The following STT3A variants were observed in gnomAD, a reference collection of about 807,000 sequenced individuals.
STT3A encodes the protein STT3 oligosaccharyltransferase complex catalytic subunit A, also known as dolichyl-diphosphooligosaccharide--protein glycosyltransferase subunit STT3A.
Under a neutral mutation model 89.2 loss-of-function variants are expected in STT3A, and 34 were observed. The observed-to-expected ratio is 0.38, with a 90% confidence interval of 0.29 to 0.51. The LOEUF is 0.51. Among genes scored for constraint, STT3A ranks in the 20% least tolerant of loss-of-function variants. The probability of loss-of-function intolerance (pLI) is 0.89; values close to 1 mark genes in which losing one functional copy is unlikely to be tolerated. For missense variants in STT3A, 555 were observed against 889.5 expected, an observed-to-expected ratio of 0.62 and a Z score of 4.78; for synonymous variants, 282 against 310.3, an observed-to-expected ratio of 0.91 and a Z score of 0.96.
At chr11:125,618,588 A>G (rs1417447844) in intron 16 of STT3A, 27 bp downstream of exon 16, 2 of 1,571,476 alleles carry the variant, frequency 1.3e-6, no homozygotes, top group Non-Finnish European at 1.7e-6. Context: ...AATATTAATA[A>G]CAGTAGTAAT....
chr11:125,592,489 C>T (rs1486688873), upstream of STT3A: 4 of 455,786 alleles, frequency 8.8e-6, no homozygotes, highest in Non-Finnish European at 1.8e-5. Context: ...CCTATTTCAG[C>T]GTAGTTTCCG....
At chr11:125,608,435 C>G in intron 9 of STT3A, 146 bp downstream of exon 9, 2 of 807,384 alleles carry the variant, frequency 2.5e-6, no homozygotes, top group East Asian at 6.3e-5. Flanking sequence ...CTGCCTCAGC[C>G]TCCTGAGTAG....
At chr11:125,602,548 A>C (rs1156229264) in intron 4 of STT3A, 124 bp downstream of exon 4, 30 of 1,250,592 alleles carry the variant, frequency 2.4e-5, no homozygotes, top group Non-Finnish European at 6.5e-6. Flanking sequence ...TCCTGATTAC[A>C]GGTTCCTAAA....
Position 125,604,241 on chromosome 11 carries a change from A to G in STT3A, c.502A>G (p.Asn168Asp). Residue 168 changes from asparagine to aspartate, a missense_variant, in exon 6 of 18, where the codon AAT (asparagine) becomes GAT (aspartate). Coordinates refer to ENST00000392708, the MANE Select transcript of STT3A (RefSeq NM_152713.5). ...ISRSVAGSYD[N>D]EGIAIFCMLL... is the part of the protein sequence containing the mutation. ...CCGATCTGTGGCTGGCTCCTATGATAATGAAGGTAAGACTTTTAAAATGCT... is the reference window on the plus strand; with the variant it reads ...CCGATCTGTGGCTGGCTCCTATGATGATGAAGGTAAGACTTTTAAAATGCT... 1 of 1,613,902 alleles carries G rather than the reference A, an allele frequency of 6.2e-7. No homozygotes were observed.
At chr11:125,592,699 C>T (rs1565338648), upstream of STT3A, 1 of 313,024 alleles carries the variant, frequency 3.2e-6, no homozygotes, top group Non-Finnish European at 6.4e-6. Context: ...TAAGTGATAG[C>T]TGTAATGACC....
intron 3 of STT3A, among the ~76,000 whole-genome samples, chr11:125,599,646 C>T (rs551452684): frequency 7.3e-5 from 11 of 149,734 alleles, no homozygotes; most frequent in Middle Eastern, 3.5e-3. Flanking sequence ...TGTGCTCAAG[C>T]GATCCATCCA....
chr11:125,615,800 G>A (rs530291438), intron 15 of STT3A, among the ~76,000 whole-genome samples: 1 of 152,244 alleles, frequency 6.6e-6, no homozygotes, highest in African/African-American at 2.4e-5. Context: ...CCTGTAATCT[G>A]AGCACTTTGG....
rs577593072 is a variant in STT3A, at chr11:125,622,721, T to G, written c.*1911T>G. 1 of 152,054 alleles carries G rather than the reference T, an allele frequency of 6.6e-6. No individual in the cohort carries two copies. The highest frequency in any genetic ancestry group is 2.1e-4 in the South Asian group (1 of 4,812). 9.4% of individuals were successfully genotyped at this position (152,054 alleles called of 1,614,324 possible). Reference sequence around the variant, plus strand: ...CAACATGGCTAATGAACACTAAGCATAGTTTTGATGTCTTTCATATTAAAG... The same window carrying G: ...CAACATGGCTAATGAACACTAAGCAGAGTTTTGATGTCTTTCATATTAAAG... On this transcript the variant is annotated 3_prime_UTR_variant, in exon 18 of 18. Coordinates refer to ENST00000392708, the MANE Select transcript of STT3A (RefSeq NM_152713.5).
chr11:125,602,173 A>G, intron 3 of STT3A, 130 bp from the exon 4 acceptor site: 1 of 1,100,482 alleles, frequency 9.1e-7, no homozygotes, highest in East Asian at 2.5e-5. Flanking sequence ...TGGTAGTGTA[A>G]AATGATTTTC....
At chr11:125,593,989 G>T (rs1467380708) in intron 1 of STT3A, among the ~76,000 whole-genome samples, 1 of 152,006 alleles carries the variant, frequency 6.6e-6, no homozygotes, top group African/African-American at 2.4e-5. Flanking sequence ...TGTTCTATAG[G>T]ATAACTATTA....
At chr11:125,619,567 A>C (rs1203824172) in intron 16 of STT3A, among the ~76,000 whole-genome samples, 1 of 152,190 alleles carries the variant, frequency 6.6e-6, no homozygotes, top group African/African-American at 2.4e-5. Flanking sequence ...TCTTCTGATG[A>C]CTACATTGAG....
chr11:125,610,658 G>C (rs67402595), intron 10 of STT3A: 42,622 of 151,718 alleles, frequency 0.28, 6,156 homozygotes, highest in East Asian at 0.4. Flanking sequence ...TCAAGACCAG[G>C]CTGGGCAATA....
chr11:125,616,267 A>G (rs1303208072), intron 15 of STT3A, among the ~76,000 whole-genome samples: 1 of 152,166 alleles, frequency 6.6e-6, no homozygotes, highest in Non-Finnish European at 1.5e-5. Flanking sequence ...ATATACACAC[A>G]TTCTCTTATA....
chr11:125,598,118 A>C (rs1449398422), intron 3 of STT3A, among the ~76,000 whole-genome samples: 3 of 152,186 alleles, frequency 2.0e-5, no homozygotes, highest in African/African-American at 7.2e-5. Context: ...AGACTGAGGC[A>C]GGAGAATCGC....
At position 125,618,457 on chromosome 11, in the gene STT3A, C is replaced by T; in HGVS notation, c.1859C>T (p.Pro620Leu). ...ATCAAGGAGAATGACTATTATACTC[C>T]AACTGGGGAGTTCCGTGTGGACCGT... Reference protein sequence around the residue: ...KHIKENDYYTPTGEFRVDREG... With the variant: ...KHIKENDYYTLTGEFRVDREG... Residue 620 changes from proline to leucine, a missense_variant, in exon 16 of 18, where the codon CCA becomes CTA. Transcript: ENST00000392708. 1 of 1,613,930 alleles carries T rather than the reference C, an allele frequency of 6.2e-7. No homozygotes were observed. Among genetic ancestry groups the T allele is most frequent in the Non-Finnish European group, 8.5e-7 (1 of 1,180,012 alleles).
chr11:125,595,361 C>A (rs1344584863), intron 1 of STT3A, among the ~76,000 whole-genome samples: 2 of 151,924 alleles, frequency 1.3e-5, no homozygotes, highest in Non-Finnish European at 2.9e-5. Context: ...TGCTGTATTG[C>A]TCAGATTGGT....
chr11:125,606,147 A>G (rs1939829112), intron 7 of STT3A, 154 bp from the exon 8 acceptor site: 1 of 671,258 alleles, frequency 1.5e-6, no homozygotes, highest in Non-Finnish European at 2.4e-6. Context: ...AAAAAAAAAA[A>G]TCAGTTATTT....
chr11:125,615,717 CTT>C (rs1346030586), intron 15 of STT3A, among the ~76,000 whole-genome samples: 1 of 152,076 alleles, frequency 6.6e-6, no homozygotes, highest in Admixed American at 6.6e-5. Flanking sequence ...ATAAGTTAGA[CTT>C]TTTATTTTTT....
intron 4 of STT3A, 70 bp from the exon 5 acceptor site, chr11:125,602,733 G>A: frequency 6.3e-7 from 1 of 1,589,770 alleles, no homozygotes; most frequent in Non-Finnish European, 8.6e-7. Flanking sequence ...ATTGTATCTG[G>A]GATTTTCCCT....
Sources: gnomAD v4.1 joint callset for allele counts (sites outside exome capture counted in the v4.1 genomes callset) on GRCh38, gnomAD v4.1.1 for gene constraint, MANE v1.5 for transcripts, NCBI Gene and HGNC (gene_info 2026-07-23, HGNC 2026-07-21) for gene names.